CAP1: variants seen among roughly 807,000 people sequenced by gnomAD.
CAP1 encodes adenylyl cyclase-associated protein 1.
A neutral mutation model predicts 58.2 loss-of-function variants in CAP1; 11 were observed. That is an observed-to-expected ratio of 0.19 (90% CI 0.12 to 0.31). The LOEUF is 0.31. CAP1 is among the 10% of genes least tolerant of loss of function. The pLI, the probability that CAP1 is intolerant of heterozygous loss-of-function variation, is 1.00. For synonymous variants in CAP1, 183 were observed against 213.8 expected, an observed-to-expected ratio of 0.86 and a Z score of 1.26; for missense variants, 423 against 587.5, an observed-to-expected ratio of 0.72 and a Z score of 2.89.
At chr1:40,067,419 A>T in intron 7 of CAP1, 121 bp from the exon 8 acceptor site, 1 of 788,734 alleles carries the variant, frequency 1.3e-6, no homozygotes, top group Non-Finnish European at 2.0e-6. Context: ...AGGACACATT[A>T]ATCATTGCCT....
chr1:40,060,099 T>C lies in CAP1; in HGVS notation c.145T>C (p.Ser49Pro). 6.2e-7 allele frequency: 1 copy of C among 1,613,816 alleles called. No individual in the cohort carries two copies. The highest frequency in any genetic ancestry group is 8.5e-7 in the Non-Finnish European group (1 of 1,179,866). Reference sequence around the variant, plus strand: ...AGCTCCATATGTGCAGGCATTTGACTCGCTGCTTGCTGGTCCTGTGGCAGA... The same window carrying C: ...AGCTCCATATGTGCAGGCATTTGACCCGCTGCTTGCTGGTCCTGTGGCAGA... ...GAAPYVQAFD[S>P]LLAGPVAEYL... The change falls in exon 3 of 13, where the codon TCG (serine) becomes CCG (proline). Residue 49 changes from serine to proline, a missense_variant. Ser to Pro is a moderately conservative substitution (Grantham distance 74). Transcript: ENST00000372805.
intron 1 of CAP1, among the ~76,000 whole-genome samples, chr1:40,052,731 G>A (rs898883945): frequency 1.3e-5 from 2 of 151,740 alleles, no homozygotes; most frequent in Non-Finnish European, 2.9e-5. Context: ...TTCCAAATAT[G>A]TCTCATCTAT....
At chr1:40,055,380 C>T (rs1471692519) in intron 1 of CAP1, among the ~76,000 whole-genome samples, 1 of 152,158 alleles carries the variant, frequency 6.6e-6, no homozygotes, top group African/African-American at 2.4e-5. Flanking sequence ...TTCTTTAATA[C>T]CATTCAGTAC....
chr1:40,054,225 C>G (rs1557680912), intron 1 of CAP1, among the ~76,000 whole-genome samples: 1 of 139,106 alleles, frequency 7.2e-6, no homozygotes, highest in Non-Finnish European at 1.5e-5. Context: ...TAATCTCACT[C>G]TGTTGTCCAA....
intron 8 of CAP1, among the ~76,000 whole-genome samples, chr1:40,068,293 A>T (rs1647200037): frequency 1.3e-5 from 2 of 151,902 alleles, no homozygotes; most frequent in African/African-American, 2.4e-5. Context: ...TTTTTTTGAG[A>T]CGGAGTTTTG....
At position 40,071,945 on chromosome 1, in the gene CAP1, G is replaced by A. The variant is rs1296485892; in HGVS notation, c.*412G>A. On this transcript the variant is annotated 3_prime_UTR_variant, in exon 13 of 13. Coordinates refer to ENST00000372805, the MANE Select transcript of CAP1 (RefSeq NM_006367.4). ...TTTAACAATGAGCATGAAGGTAGCA[G>A]AAGCTGGTGTGTTTCCAGATGGTTC... 2 of 409,192 alleles carry A rather than the reference G, an allele frequency of 4.9e-6. No individual in the cohort carries two copies. The highest frequency in any genetic ancestry group is 7.0e-5 in the East Asian group (2 of 28,548). 25.3% of individuals were successfully genotyped at this position (409,192 alleles called of 1,614,324 possible).
intron 7 of CAP1, among the ~76,000 whole-genome samples, chr1:40,066,623 A>G (rs752841595): frequency 6.6e-6 from 1 of 152,326 alleles, no homozygotes; most frequent in South Asian, 2.1e-4. Flanking sequence ...GAGCTTAAAA[A>G]TAAGAATGCA....
intron 4 of CAP1, 152 bp downstream of exon 4, chr1:40,061,964 A>C: frequency 1.5e-6 from 1 of 674,294 alleles, no homozygotes; most frequent in Non-Finnish European, 2.6e-6. Context: ...CCATACTTCA[A>C]GTGCCTTAAT....
chr1:40,042,553 G>C (rs1645886057), intron 1 of CAP1, among the ~76,000 whole-genome samples: 1 of 152,226 alleles, frequency 6.6e-6, no homozygotes, highest in African/African-American at 2.4e-5. Flanking sequence ...TGGGGAAGTG[G>C]AGGAAGTGAG....
At position 40,071,944 on chromosome 1, in the gene CAP1, A is replaced by G. The variant is rs112075420; in HGVS notation, c.*411A>G. 1,407 of 409,836 alleles carry G rather than the reference A, an allele frequency of 3.4e-3. 11 individuals are homozygous for G. Among genetic ancestry groups the G allele is most frequent in the African/African-American group, 0.026 (1,281 of 48,946 alleles). 25.4% of individuals were successfully genotyped at this position (409,836 alleles called of 1,614,324 possible). On this transcript the variant is annotated 3_prime_UTR_variant, in exon 13 of 13. Transcript: ENST00000372805. ...TTTTAACAATGAGCATGAAGGTAGC[A>G]GAAGCTGGTGTGTTTCCAGATGGTT...
At chr1:40,047,973 G>A (rs780105419) in intron 1 of CAP1, among the ~76,000 whole-genome samples, 8 of 152,050 alleles carry the variant, frequency 5.3e-5, no homozygotes, top group Non-Finnish European at 7.4e-5. Context: ...GGCACTAAAT[G>A]TCATTGGTTT....
At chr1:40,054,193 C>CTTTTTTTTTTTTTTTTTTT (rs398052925) in intron 1 of CAP1, among the ~76,000 whole-genome samples, 1 of 136,394 alleles carries the variant, frequency 7.3e-6, no homozygotes, top group Non-Finnish European at 1.6e-5. Flanking sequence ...GCCCACTGTT[C>CTTTTTTTTTTTTTTTTTTT]TTTTTTTTTT....
chr1:40,058,864 C>T (rs934520250), intron 1 of CAP1, among the ~76,000 whole-genome samples: 2 of 152,094 alleles, frequency 1.3e-5, no homozygotes, highest in African/African-American at 4.8e-5. Context: ...TGATGGAGTA[C>T]TGGCTTCTCT....
At chr1:40,067,270 G>A (rs1482425246) in intron 7 of CAP1, 2 of 405,016 alleles carry the variant, frequency 4.9e-6, no homozygotes, top group Non-Finnish European at 8.8e-6. Flanking sequence ...TAAGGAAGAT[G>A]TCAAGTAGAT....
At chr1:40,070,398 T>C (rs766903539) in intron 10 of CAP1, 32 bp from the exon 11 acceptor site, 1 of 1,456,372 alleles carries the variant, frequency 6.9e-7, no homozygotes, top group Non-Finnish European at 9.0e-7. Context: ...CCTTTAAAGT[T>C]ACACGTTGAC....
At chr1:40,070,033 T>C in intron 9 of CAP1, 126 bp from the exon 10 acceptor site, 1 of 1,464,626 alleles carries the variant, frequency 6.8e-7, no homozygotes, top group Non-Finnish European at 9.3e-7. Flanking sequence ...GGAGGTTAAA[T>C]GGAGCTTAGC....
intron 1 of CAP1, among the ~76,000 whole-genome samples, chr1:40,053,310 T>G (rs1646464473): frequency 6.6e-6 from 1 of 152,284 alleles, no homozygotes; most frequent in Non-Finnish European, 1.5e-5. Context: ...GCAAACAAGT[T>G]GGGGCTGGAT....
chr1:40,059,778 A>G (rs184015115), intron 2 of CAP1, among the ~76,000 whole-genome samples: 2 of 152,384 alleles, frequency 1.3e-5, no homozygotes, highest in Admixed American at 1.3e-4. Context: ...CATTTTGCAC[A>G]TGCACCAGTT....
At chr1:40,042,978 A>C (rs1179193567) in intron 1 of CAP1, among the ~76,000 whole-genome samples, 1 of 152,130 alleles carries the variant, frequency 6.6e-6, no homozygotes, top group Non-Finnish European at 1.5e-5. Flanking sequence ...TAGGGAAGTG[A>C]CATGGGAAAA....
Sources: gnomAD v4.1 joint callset for allele counts (sites outside exome capture counted in the v4.1 genomes callset) on GRCh38, gnomAD v4.1.1 for gene constraint, MANE v1.5 for transcripts, NCBI Gene and HGNC (gene_info 2026-07-23, HGNC 2026-07-21) for gene names.